ANP32B: variants seen among roughly 807,000 people sequenced by gnomAD.
The protein encoded by ANP32B is acidic nuclear phosphoprotein 32 family member B, also known as acidic leucine-rich nuclear phosphoprotein 32 family member B.
ANP32B carries 6 observed loss-of-function variants against 32.2 expected under a neutral mutation model. The observed-to-expected ratio is 0.19, with a 90% CI of 0.10 to 0.37. The LOEUF (loss-of-function observed/expected upper bound fraction) is 0.37. ANP32B is among the 10% of genes least tolerant of loss of function. ANP32B has a pLI of 1.00. For missense variants in ANP32B, 204 were observed against 289.2 expected (o/e 0.71, Z 2.14); for synonymous variants, 98 against 105.8 (o/e 0.93, Z 0.45).
chr9:98,004,263 G>T (rs966872017), intron 3 of ANP32B, among the ~76,000 whole-genome samples: 3 of 152,130 alleles, frequency 2.0e-5, no homozygotes, highest in African/African-American at 7.2e-5. Context: ...TCAAGGTATG[G>T]TAAATAAAAT....
At position 98,003,373 on chromosome 9, in the gene ANP32B, C is replaced by G. The variant is rs557271837; in HGVS notation, c.328-1591C>G. On this transcript the variant is annotated intron_variant, in intron 3 of 6. Transcript: ENST00000339399. The stretch of plus-strand genomic sequence containing the variant: ...GTCAGTAGCCCTTTTCTCTAAGGGC[C>G]AAATAGTAGGTTCATTTGGCTTTGT... Among the ~76,000 whole-genome samples, 313 of 152,212 alleles carry G rather than the reference C, an allele frequency of 2.1e-3. 2 individuals are homozygous for G. Among genetic ancestry groups the G allele is most frequent in the African/African-American group, 7.1e-3 (294 of 41,536 alleles).
intron 4 of ANP32B, among the ~76,000 whole-genome samples, chr9:98,005,974 T>C (rs1771437492): frequency 6.6e-6 from 1 of 152,194 alleles, no homozygotes; most frequent in African/African-American, 2.4e-5. Context: ...CTCCACCTCC[T>C]GTCAGATCAA....
chr9:98,003,073 G>C (rs1180070259), intron 3 of ANP32B, among the ~76,000 whole-genome samples: 2 of 152,160 alleles, frequency 1.3e-5, no homozygotes, highest in East Asian at 1.9e-4. Context: ...CTGGAAGTCA[G>C]GGCCTGACTG....
At chr9:98,010,061 C>T (rs1040900364) in intron 4 of ANP32B, among the ~76,000 whole-genome samples, 8 of 152,074 alleles carry the variant, frequency 5.3e-5, no homozygotes, top group African/African-American at 1.7e-4. Flanking sequence ...TCACCTCAAA[C>T]AGGAAGAACA....
intron 6 of ANP32B, 47 bp from the exon 7 acceptor site, chr9:98,015,317 C>G: frequency 1.3e-6 from 2 of 1,543,760 alleles, no homozygotes; most frequent in South Asian, 2.4e-5. Context: ...ATAATCTAAG[C>G]AAAATGCCTT....
At chr9:97,997,155 T>C (rs1169047102) in intron 2 of ANP32B, among the ~76,000 whole-genome samples, 1 of 152,216 alleles carries the variant, frequency 6.6e-6, no homozygotes, top group Non-Finnish European at 1.5e-5. Flanking sequence ...AAGTTATCTC[T>C]GTTTTTATTT....
chr9:97,993,417 T>C (rs901342489), intron 1 of ANP32B, among the ~76,000 whole-genome samples: 2 of 152,222 alleles, frequency 1.3e-5, no homozygotes, highest in Admixed American at 6.5e-5. Context: ...CCCTACTGTA[T>C]ACATGCTTGA....
chr9:98,014,418 A>C (rs1255790706), intron 6 of ANP32B, among the ~76,000 whole-genome samples: 3 of 152,090 alleles, frequency 2.0e-5, no homozygotes, highest in Non-Finnish European at 2.9e-5. Flanking sequence ...AAAAAAAAAA[A>C]CAACCTGTAT....
intron 3 of ANP32B, among the ~76,000 whole-genome samples, chr9:98,002,889 C>G (rs1002047387): frequency 2.6e-5 from 4 of 152,188 alleles, no homozygotes; most frequent in Admixed American, 2.6e-4. Context: ...ATAAATGGCT[C>G]ATTCCTTTAA....
intron 4 of ANP32B, among the ~76,000 whole-genome samples, chr9:98,009,672 G>A (rs567501107): frequency 3.3e-5 from 5 of 152,242 alleles, no homozygotes; most frequent in Non-Finnish European, 7.3e-5. Context: ...CCTGCTGTGC[G>A]GCCCAGGCCA....
chr9:98,001,349 G>T (rs1827989006), intron 3 of ANP32B, among the ~76,000 whole-genome samples: 2 of 151,928 alleles, frequency 1.3e-5, no homozygotes, highest in Non-Finnish European at 2.9e-5. Context: ...CTGCCACCAT[G>T]CCTGGCTAAG....
At chr9:97,995,581 G>A (rs1564137431) in intron 2 of ANP32B, among the ~76,000 whole-genome samples, 1 of 152,024 alleles carries the variant, frequency 6.6e-6, no homozygotes, top group Non-Finnish European at 1.5e-5. Context: ...TGGTATTGGG[G>A]TTTGTTTGTT....
intron 3 of ANP32B, among the ~76,000 whole-genome samples, chr9:98,000,750 A>G (rs988907222): frequency 2.0e-5 from 3 of 152,050 alleles, no homozygotes; most frequent in Non-Finnish European, 2.9e-5. Context: ...GTGAAACCCC[A>G]TCTCTACTAA....
rs1827631109 is a variant in ANP32B at position 97,983,488 on chromosome 9, C to T, written c.-68C>T. 3 of 1,403,432 alleles carry T rather than the reference C, an allele frequency of 2.1e-6. No individual in the cohort carries two copies. The highest frequency in any genetic ancestry group is 1.3e-5 in the South Asian group (1 of 78,982). 86.9% of individuals were successfully genotyped at this position (1,403,432 alleles called of 1,614,324 possible). A position where few individuals can be genotyped will look rare whatever the true frequency, so the allele number is the denominator to read the frequency against. On this transcript the variant is annotated 5_prime_UTR_variant, in exon 1 of 7. Coordinates refer to ENST00000339399, the MANE Select transcript of ANP32B (RefSeq NM_006401.3). ...TTCCGACGGCCCTCGCTGCGCAAGC[C>T]GGGACGCCTCTCCCCCCTCCGCCCC...
chr9:98,001,807 C>G (rs1827997080), intron 3 of ANP32B, among the ~76,000 whole-genome samples: 1 of 152,030 alleles, frequency 6.6e-6, no homozygotes, highest in African/African-American at 2.4e-5. Flanking sequence ...TCTGCTATAC[C>G]CATACATTTA....
At chr9:98,007,550 C>G (rs1211840889) in intron 4 of ANP32B, among the ~76,000 whole-genome samples, 1 of 152,228 alleles carries the variant, frequency 6.6e-6, no homozygotes, top group Non-Finnish European at 1.5e-5. Flanking sequence ...CCAACCAGCA[C>G]CACAGCTGCA....
At chr9:97,993,928 C>T (rs1425002035) in intron 1 of ANP32B, among the ~76,000 whole-genome samples, 4 of 152,168 alleles carry the variant, frequency 2.6e-5, no homozygotes, top group East Asian at 1.9e-4. Context: ...CCACTGCGCC[C>T]GGCCAGATGT....
At chr9:98,000,441 C>T (rs531238828) in intron 3 of ANP32B, among the ~76,000 whole-genome samples, 1 of 152,260 alleles carries the variant, frequency 6.6e-6, no homozygotes, top group African/African-American at 2.4e-5. Context: ...TCCTTCAAAC[C>T]AACCCCCATT....
At chr9:97,984,117 C>T (rs1827654276) in intron 1 of ANP32B, among the ~76,000 whole-genome samples, 1 of 149,654 alleles carries the variant, frequency 6.7e-6, no homozygotes, top group Non-Finnish European at 1.5e-5. Context: ...TCGCCGTGGG[C>T]GCCGGCCCGG....
Sources: gnomAD v4.1 joint callset for allele counts (sites outside exome capture counted in the v4.1 genomes callset) on GRCh38, gnomAD v4.1.1 for gene constraint, MANE v1.5 for transcripts, NCBI Gene and HGNC (gene_info 2026-07-23, HGNC 2026-07-21) for gene names.